Variants in GAS7 observed in about 807,000 individuals in gnomAD.
The protein encoded by GAS7 is growth arrest specific 7.
GAS7 carries 28 observed loss-of-function variants against 71.1 expected under a neutral mutation model. The ratio of observed to expected loss-of-function variants is 0.39; its 90% CI spans 0.29 to 0.54. GAS7 has a LOEUF of 0.54. Among genes scored for constraint, GAS7 ranks in the 20% least tolerant of loss-of-function variants. The pLI is 0.62. For synonymous variants in GAS7, 258 were observed against 245.8 expected, an observed-to-expected ratio of 1.05 and a Z score of -0.46; for missense variants, 436 against 627.8, an observed-to-expected ratio of 0.69 and a Z score of 3.27.
chr17:10,008,948 C>T (rs944139018), intron 2 of GAS7, among the ~76,000 whole-genome samples: 1 of 152,096 alleles, frequency 6.6e-6, no homozygotes, highest in African/African-American at 2.4e-5. Flanking sequence ...CTTTTATTAA[C>T]ACGGAATTAT....
At chr17:10,000,152 G>A (rs1229702636) in intron 2 of GAS7, among the ~76,000 whole-genome samples, 1 of 152,208 alleles carries the variant, frequency 6.6e-6, no homozygotes, top group Non-Finnish European at 1.5e-5. Flanking sequence ...TGTGATATAA[G>A]CATCACAGTC....
intron 1 of GAS7, among the ~76,000 whole-genome samples, chr17:10,130,627 A>C (rs1364492834): frequency 6.6e-6 from 1 of 152,258 alleles, no homozygotes; most frequent in Non-Finnish European, 1.5e-5. Flanking sequence ...TGAGCAAATA[A>C]ACAAAACGTG....
intron 1 of GAS7, among the ~76,000 whole-genome samples, chr17:10,175,910 C>T (rs957777292): frequency 6.6e-6 from 1 of 152,162 alleles, no homozygotes; most frequent in Non-Finnish European, 1.5e-5. Flanking sequence ...AAACTCAGCC[C>T]ATGGTATTCT....
chr17:10,184,606 C>A (rs992773448), intron 1 of GAS7, among the ~76,000 whole-genome samples: 1 of 152,160 alleles, frequency 6.6e-6, no homozygotes, highest in Non-Finnish European at 1.5e-5. Context: ...TGGGAGCTGG[C>A]GGGAAATGCA....
intron 1 of GAS7, among the ~76,000 whole-genome samples, chr17:10,179,058 G>A (rs540771887): frequency 4.3e-4 from 66 of 152,092 alleles, no homozygotes; most frequent in African/African-American, 1.3e-3. Flanking sequence ...GGCCAGGCAC[G>A]GTGGCTCATG....
chr17:9,976,522 C>A (rs2070211074), intron 3 of GAS7, among the ~76,000 whole-genome samples: 1 of 152,194 alleles, frequency 6.6e-6, no homozygotes, highest in Non-Finnish European at 1.5e-5. Context: ...GGTTCAGGAG[C>A]CCCCTCCCCA....
At chr17:10,079,101 T>C (rs544092778) in intron 1 of GAS7, among the ~76,000 whole-genome samples, 69 of 152,284 alleles carry the variant, frequency 4.5e-4, no homozygotes, top group African/African-American at 1.6e-3. Context: ...ATCACACCAC[T>C]GGACTCCTGG....
At chr17:10,098,216 G>A (rs1295190802) in intron 1 of GAS7, among the ~76,000 whole-genome samples, 3 of 152,136 alleles carry the variant, frequency 2.0e-5, no homozygotes, top group African/African-American at 7.2e-5. Context: ...GTGAGCTGGA[G>A]CCGCGGGCTA....
intron 9 of GAS7, among the ~76,000 whole-genome samples, chr17:9,932,967 T>G (rs2068263220): frequency 6.6e-6 from 1 of 151,908 alleles, no homozygotes; most frequent in Non-Finnish European, 1.5e-5. Context: ...GGTGAGGAGT[T>G]CAACACCAGC....
chr17:10,087,256 C>G (rs1350718786), intron 1 of GAS7, among the ~76,000 whole-genome samples: 3 of 152,226 alleles, frequency 2.0e-5, no homozygotes, highest in African/African-American at 7.2e-5. Flanking sequence ...TTCTGCTAAG[C>G]AGGTAGCCCT....
chr17:10,151,243 G>A (rs1325056078), intron 1 of GAS7, among the ~76,000 whole-genome samples: 2 of 151,744 alleles, frequency 1.3e-5, no homozygotes, highest in East Asian at 1.9e-4. Context: ...GGGCTCAAGT[G>A]GTTCTCCTGC....
Position 9,916,895 on chromosome 17 carries a change from A to G in GAS7, c.*333T>C, listed in dbSNP as rs1597434245. The G allele has an allele frequency of 1.3e-5, 6 of 467,230 alleles. No homozygotes were observed. In the East Asian group the frequency reaches 1.8e-4, roughly 14 times the overall value. The allele number at this position is 467,230 out of a possible 1,614,324, so 28.9% of individuals were successfully genotyped here. On this transcript the variant is annotated 3_prime_UTR_variant, in exon 14 of 14. Transcript: ENST00000432992. ...CTGGAGGAAGAGCCTTGGGGCTTCCAGGGCACAAGCATGTGACAGTGACCC... is the reference window on the plus strand; with the variant it reads ...CTGGAGGAAGAGCCTTGGGGCTTCCGGGGCACAAGCATGTGACAGTGACCC...
chr17:10,013,766 A>AC (rs995678758), intron 2 of GAS7, among the ~76,000 whole-genome samples: 2 of 152,062 alleles, frequency 1.3e-5, no homozygotes, highest in African/African-American at 2.4e-5. Flanking sequence ...GTCCCTGACT[A>AC]CCCCTCCCTA....
chr17:10,144,532 G>A (rs927912313), intron 1 of GAS7, among the ~76,000 whole-genome samples: 4 of 152,128 alleles, frequency 2.6e-5, no homozygotes, highest in African/African-American at 9.7e-5. Context: ...CTTTTCTGTG[G>A]ATGTTAATTT....
chr17:10,048,054 C>T (rs1272781993), intron 1 of GAS7, among the ~76,000 whole-genome samples: 1 of 152,232 alleles, frequency 6.6e-6, no homozygotes, highest in East Asian at 1.9e-4. Context: ...GGAATCCCAG[C>T]ACTTTGGGAG....
chr17:10,190,906 T>C (rs1186937780), intron 1 of GAS7, among the ~76,000 whole-genome samples: 1 of 150,206 alleles, frequency 6.7e-6, no homozygotes, highest in African/African-American at 2.4e-5. Flanking sequence ...ACAGGCACGG[T>C]GGTTCACGCC....
chr17:10,038,176 G>T (rs1272227330), intron 1 of GAS7, among the ~76,000 whole-genome samples: 1 of 152,036 alleles, frequency 6.6e-6, no homozygotes, highest in Non-Finnish European at 1.5e-5. Flanking sequence ...CGGCCAACGT[G>T]GTGATACCCC....
chr17:9,942,961 G>A (rs1054339349), intron 7 of GAS7, among the ~76,000 whole-genome samples, 160 bp downstream of exon 7: 6 of 152,166 alleles, frequency 3.9e-5, no homozygotes, highest in South Asian at 4.1e-4. Flanking sequence ...CACAACTGCT[G>A]ACCAGATCCA....
chr17:10,008,040 T>C (rs1255028334), intron 2 of GAS7, among the ~76,000 whole-genome samples: 1 of 152,226 alleles, frequency 6.6e-6, no homozygotes, highest in African/African-American at 2.4e-5. Context: ...TCATCCACGT[T>C]GTAGCATGTA....
Sources: gnomAD v4.1 joint callset for allele counts (sites outside exome capture counted in the v4.1 genomes callset) on GRCh38, gnomAD v4.1.1 for gene constraint, MANE v1.5 for transcripts, NCBI Gene and HGNC (gene_info 2026-07-23, HGNC 2026-07-21) for gene names.